The following LRRC75A variants were observed in gnomAD, a reference collection of about 807,000 sequenced individuals.
LRRC75A encodes the protein leucine rich repeat containing 75A.
In LRRC75A, 12 loss-of-function variants were observed where a neutral mutation model predicts 26.0. That is an observed-to-expected ratio of 0.46 (90% CI 0.30 to 0.75). The LOEUF (loss-of-function observed/expected upper bound fraction) is 0.75, where lower values mean the gene tolerates loss of function less well. LRRC75A is among the 30% of genes least tolerant of loss of function. The probability of loss-of-function intolerance (pLI) is 0.08; values close to 1 mark genes in which losing one functional copy is unlikely to be tolerated. For missense variants in LRRC75A, 410 were observed against 486.6 expected, an observed-to-expected ratio of 0.84 and a Z score of 1.48; for synonymous variants, 223 against 219.3, an observed-to-expected ratio of 1.02 and a Z score of -0.15.
At chr17:16,458,629 C>G (rs1810005055) in intron 2 of LRRC75A, among the ~76,000 whole-genome samples, 1 of 152,038 alleles carries the variant, frequency 6.6e-6, no homozygotes, top group African/African-American at 2.4e-5. Context: ...CCACGCCCGG[C>G]TAATTTTGTA....
chr17:16,483,859 C>T (rs1316694727), intron 1 of LRRC75A, among the ~76,000 whole-genome samples: 1 of 152,176 alleles, frequency 6.6e-6, no homozygotes, highest in Non-Finnish European at 1.5e-5. Context: ...CTGTTGCATC[C>T]CCAGTTCCTA....
At chr17:16,474,804 T>C (rs2093815706) in intron 1 of LRRC75A, among the ~76,000 whole-genome samples, 1 of 151,718 alleles carries the variant, frequency 6.6e-6, no homozygotes, top group Admixed American at 6.6e-5. Flanking sequence ...CCATCCTGGC[T>C]AACATGGTGA....
chr17:16,459,886 C>T (rs2093714624), intron 2 of LRRC75A, among the ~76,000 whole-genome samples: 3 of 152,210 alleles, frequency 2.0e-5, no homozygotes, highest in Non-Finnish European at 4.4e-5. Context: ...TGGGCTTTAG[C>T]AGGGCTCACC....
At position 16,462,686 on chromosome 17, in the gene LRRC75A, A is replaced by T. The variant is rs2093737272; in HGVS notation, c.247-300T>A. On this transcript the variant is annotated intron_variant, in intron 1 of 3. Transcript: ENST00000470794. The surrounding 1 kb of genome is among the most constrained non-coding windows in gnomAD (Gnocchi z 4.6). ...GTCTCTCTGGTTTTCCAGAGGAGGA[A>T]GCCAAGGGTGGCCTGCCTCGGTGCA... 2.8e-6 allele frequency: 1 copy of T among 354,940 alleles called. No homozygotes were observed. The highest frequency in any genetic ancestry group is 2.1e-5 in the African/African-American group (1 of 47,802). The allele number at this position is 354,940 out of a possible 1,614,324, so 22.0% of individuals were successfully genotyped here.
chr17:16,453,489 C>T (rs1315023055), intron 2 of LRRC75A, among the ~76,000 whole-genome samples: 1 of 152,152 alleles, frequency 6.6e-6, no homozygotes, highest in African/African-American at 2.4e-5. Flanking sequence ...CCTGCGTCTC[C>T]TCACTGGCTA....
chr17:16,456,172 G>GGAGGAGGAGGAAGAGGAGGGT (rs2093677572), intron 2 of LRRC75A, among the ~76,000 whole-genome samples: 3 of 115,676 alleles, frequency 2.6e-5, no homozygotes, highest in African/African-American at 1.1e-4. Flanking sequence ...AAGAGGAGGG[G>GGAGGAGGAGGAAGAGGAGGGT]TAGGAGGAGG....
intron 1 of LRRC75A, chr17:16,463,884 G>C (rs569027323): frequency 6.6e-6 from 1 of 152,394 alleles, no homozygotes; most frequent in Non-Finnish European, 1.5e-5. Context: ...ATCTGCCAGG[G>C]GGTGGTGAGA....
intron 2 of LRRC75A, among the ~76,000 whole-genome samples, chr17:16,455,585 G>A (rs927052555): frequency 2.6e-5 from 4 of 151,990 alleles, no homozygotes; most frequent in Non-Finnish European, 4.4e-5. Context: ...GTTTCACCAT[G>A]TTGGTCAGGC....
intron 1 of LRRC75A, among the ~76,000 whole-genome samples, chr17:16,469,014 G>A (rs1020986137): frequency 7.2e-5 from 11 of 152,156 alleles, no homozygotes; most frequent in South Asian, 2.1e-4. Flanking sequence ...GTCTAGTGGC[G>A]GATCTGTTTC....
At chr17:16,476,907 T>A (rs2093821604) in intron 1 of LRRC75A, among the ~76,000 whole-genome samples, 1 of 151,690 alleles carries the variant, frequency 6.6e-6, no homozygotes, top group Non-Finnish European at 1.5e-5. Context: ...CCTGGCTAAT[T>A]TTTTGTATTT....
In LRRC75A at chr17:16,462,247, A is replaced by G; in HGVS notation, c.375+11T>C. On this transcript the variant is annotated intron_variant, in intron 2 of 3. Coordinates refer to ENST00000470794, the MANE Select transcript of LRRC75A (RefSeq NM_001113567.3). The surrounding 1 kb of genome is among the most constrained non-coding windows in gnomAD (Gnocchi z 4.6). ...CCGGGACCTGGCTGGCTCGGACCAC[A>G]GCCACCCTACCGGCTTGGGACAGTG... is the stretch of plus-strand genomic sequence containing the variant. 6.2e-7 allele frequency: 1 copy of G among 1,613,896 alleles called. No individual in the cohort carries two copies. The highest frequency in any genetic ancestry group is 1.1e-5 in the South Asian group (1 of 91,054).
chr17:16,475,459 G>A (rs777249384), intron 1 of LRRC75A, among the ~76,000 whole-genome samples: 5 of 152,194 alleles, frequency 3.3e-5, no homozygotes, highest in Non-Finnish European at 7.3e-5. Context: ...GGAGTCTGAA[G>A]GCAGAATTTC....
Position 16,483,889 on chromosome 17 carries a change from A to G in LRRC75A, c.246+7856T>C, listed in dbSNP as rs112229044. Among the ~76,000 whole-genome samples the G allele has an allele frequency of 3.1e-3, 476 of 152,378 alleles. 2 individuals are homozygous for G. The highest frequency in any genetic ancestry group is 4.2e-3 in the Non-Finnish European group (285 of 68,036). ...TTCCTAGACTGGTGCCTGGAGGAAC[A>G]GGAACTCGATTGTTGAATAAATGAT... On this transcript the variant is annotated intron_variant, in intron 1 of 3. Transcript: ENST00000470794.
At chr17:16,485,692 G>GTGTATA (rs1419281662) in intron 1 of LRRC75A, among the ~76,000 whole-genome samples, 10 of 147,370 alleles carry the variant, frequency 6.8e-5, no homozygotes, top group Admixed American at 4.7e-4. Flanking sequence ...GTGTGTGTGT[G>GTGTATA]TATGCGTGGG....
chr17:16,467,959 A>G (rs1178303351), intron 1 of LRRC75A, among the ~76,000 whole-genome samples: 2 of 152,026 alleles, frequency 1.3e-5, no homozygotes, highest in Non-Finnish European at 2.9e-5. Context: ...TCTCATTTCC[A>G]CCCTGAAAAC....
intron 3 of LRRC75A, among the ~76,000 whole-genome samples, chr17:16,447,318 T>C (rs930490715): frequency 1.3e-4 from 16 of 127,028 alleles, no homozygotes; most frequent in African/African-American, 3.8e-4. Flanking sequence ...CTGAGATAAC[T>C]GAGGAGTTAC....
At chr17:16,453,547 C>T (rs2093653207) in intron 2 of LRRC75A, among the ~76,000 whole-genome samples, 1 of 152,100 alleles carries the variant, frequency 6.6e-6, no homozygotes, top group Admixed American at 6.6e-5. Flanking sequence ...CTTGAGAGCA[C>T]AAGTGAGCTG....
chr17:16,473,355 A>G (rs1363703417), intron 1 of LRRC75A, among the ~76,000 whole-genome samples: 1 of 152,158 alleles, frequency 6.6e-6, no homozygotes, highest in Non-Finnish European at 1.5e-5. Context: ...CCCTCCCCCT[A>G]ACAAAACCAC....
At chr17:16,456,889 C>T (rs765010403) in intron 2 of LRRC75A, among the ~76,000 whole-genome samples, 5 of 152,210 alleles carry the variant, frequency 3.3e-5, no homozygotes, top group Admixed American at 1.3e-4. Context: ...AGTCCTCCCC[C>T]GATCCCTGAA....
Sources: gnomAD v4.1 joint callset for allele counts (sites outside exome capture counted in the v4.1 genomes callset) on GRCh38, gnomAD v4.1.1 for gene constraint, Gnocchi (gnomAD v3.1) non-coding constraint, MANE v1.5 for transcripts, NCBI Gene and HGNC (gene_info 2026-07-23, HGNC 2026-07-21) for gene names.